The following ESYT3 variants were observed in gnomAD, a reference collection of about 807,000 sequenced individuals.
The protein encoded by ESYT3 is extended synaptotagmin-3.
A neutral mutation model predicts 111.5 loss-of-function variants in ESYT3; 101 were observed. The ratio of observed to expected loss-of-function variants is 0.91; its 90% CI spans 0.77 to 1.07. ESYT3 has a LOEUF of 1.07. Ranked by LOEUF, ESYT3 falls within the 50% of genes least tolerant of loss-of-function variation. The pLI is 0.00. For missense variants in ESYT3, 1,097 were observed against 1,109.4 expected, an observed-to-expected ratio of 0.99 and a Z score of 0.16; for synonymous variants, 416 against 446.8, an observed-to-expected ratio of 0.93 and a Z score of 0.87.
At chr3:138,446,926 T>G (rs2031583202) in intron 1 of ESYT3, among the ~76,000 whole-genome samples, 1 of 152,082 alleles carries the variant, frequency 6.6e-6, no homozygotes, top group African/African-American at 2.4e-5. Context: ...TCCTAGCTAC[T>G]CGGGAGGCTG....
Position 138,464,332 on chromosome 3 carries a change from G to A in ESYT3, c.916-13G>A. The A allele has an allele frequency of 6.2e-7, 1 of 1,613,668 alleles. No individual in the cohort carries two copies. The highest frequency in any genetic ancestry group is 2.2e-5 in the East Asian group (1 of 44,872). On this transcript the variant is annotated splice_polypyrimidine_tract_variant and intron_variant, in intron 8 of 22. Transcript: ENST00000389567. ...GGAAGCAGCTGTGAGCCCTGGGCTTGGACATTTTCCAGGGGGTGATCAGAG... is the reference window on the plus strand; with the variant it reads ...GGAAGCAGCTGTGAGCCCTGGGCTTAGACATTTTCCAGGGGGTGATCAGAG...
In ESYT3 at chr3:138,469,137, G is replaced by A. The variant is rs1270475850; in HGVS notation, c.1434+256G>A. On this transcript the variant is annotated intron_variant, in intron 14 of 22. Transcript: ENST00000389567. The stretch of plus-strand genomic sequence containing the variant: ...CATTTTCTGGGTCACACAGCTAAGA[G>A]GAGGAGCCAGATTCCACACTGTTTT... 8.4e-6 allele frequency: 5 copies of A among 598,152 alleles called. No homozygotes were observed. The African/African-American group carries it at 9.3e-5, about 11-fold the overall frequency. The allele number at this position is 598,152 out of a possible 1,614,324, so 37.1% of individuals were successfully genotyped here. A position where few individuals can be genotyped will look rare whatever the true frequency, so the allele number is the denominator to read the frequency against.
rs1161594322 is a variant in ESYT3 at position 138,440,169 on chromosome 3, C to T, written c.327+5044C>T. Among the ~76,000 whole-genome samples, 5 of 152,220 alleles carry T rather than the reference C, an allele frequency of 3.3e-5. No individual in the cohort carries two copies. Among genetic ancestry groups the T allele is most frequent in the Admixed American group, 6.5e-5 (1 of 15,280 alleles). ...ACTCGCTGCCTTTCATGCCTGTCCC[C>T]ATCTAACTGGGTGCGCACTGGGGCT... On this transcript the variant is annotated intron_variant, in intron 1 of 22. Coordinates refer to ENST00000389567, the MANE Select transcript of ESYT3 (RefSeq NM_031913.5). This position sits in a 1 kb window ranked among gnomAD's most constrained non-coding sequence, Gnocchi z 4.2.
Position 138,470,921 on chromosome 3 carries a change from C to T in ESYT3, c.1635C>T (p.Val545=), listed in dbSNP as rs1041110931. Residue 545 remains valine (V), a synonymous_variant, in exon 17 of 23, where the codon GTC becomes GTT. Transcript: ENST00000389567. Reference sequence around the variant, plus strand: ...AGTGTGCTCTGGGAATGCTGGAGGTCCCCCTGTGCCAGATCCTCCCCTATG... The same window carrying T: ...AGTGTGCTCTGGGAATGCTGGAGGTTCCCCTGTGCCAGATCCTCCCCTATG... ...DQECALGMLE[V]PLCQILPYAD... 2 of 1,614,040 alleles carry T rather than the reference C, an allele frequency of 1.2e-6. No homozygotes were observed. Among genetic ancestry groups the T allele is most frequent in the African/African-American group, 2.7e-5 (2 of 74,898 alleles).
chr3:138,463,895 C>G (rs1363567536), intron 8 of ESYT3, among the ~76,000 whole-genome samples: 1 of 152,132 alleles, frequency 6.6e-6, no homozygotes, highest in Non-Finnish European at 1.5e-5. Context: ...GTGTTGGGGC[C>G]TTTAGGAGTG....
chr3:138,471,346 A>G (rs897822020), intron 17 of ESYT3, among the ~76,000 whole-genome samples: 3 of 152,164 alleles, frequency 2.0e-5, no homozygotes, highest in Middle Eastern at 3.2e-3. Flanking sequence ...GGTACATTCT[A>G]ATTCTCTCAA....
chr3:138,453,114 AAGC>A (rs1362557111), intron 2 of ESYT3, among the ~76,000 whole-genome samples: 4 of 152,174 alleles, frequency 2.6e-5, no homozygotes, highest in African/African-American at 9.7e-5. Flanking sequence ...AATTTGGAAG[AAGC>A]AGGTTGCTGC....
Position 138,465,423 on chromosome 3 carries a change from T to C in ESYT3, c.1169+2T>C. On this transcript the variant is annotated splice_donor_variant, in intron 10 of 22. Transcript: ENST00000389567. LOFTEE classifies it high-confidence loss of function. ...CGACAGGGATGACTTCCTGGGCAGGTGAGGAGGAGGGCGCACAGCTGGGCC... is the reference window on the plus strand; with the variant it reads ...CGACAGGGATGACTTCCTGGGCAGGCGAGGAGGAGGGCGCACAGCTGGGCC... 6.3e-7 allele frequency: 1 copy of C among 1,586,606 alleles called. No homozygotes were observed. The highest frequency in any genetic ancestry group is 8.6e-7 in the Non-Finnish European group (1 of 1,167,022).
At chr3:138,475,293 TA>T (rs35674255) in intron 20 of ESYT3, among the ~76,000 whole-genome samples, 1 of 151,992 alleles carries the variant, frequency 6.6e-6, no homozygotes, top group East Asian at 1.9e-4. Context: ...GCTAAGGGAT[TA>T]AAAAAAATTA....
chr3:138,436,546 T>A (rs1452809597), intron 1 of ESYT3, among the ~76,000 whole-genome samples: 3 of 152,196 alleles, frequency 2.0e-5, no homozygotes, highest in Admixed American at 6.5e-5. Flanking sequence ...GCTTTGCAAA[T>A]AGCTTACATA....
At chr3:138,444,976 C>G (rs1288482328) in intron 1 of ESYT3, among the ~76,000 whole-genome samples, 2 of 152,206 alleles carry the variant, frequency 1.3e-5, no homozygotes, top group African/African-American at 4.8e-5. Context: ...CCTGTCCACT[C>G]ATTCTTCCAC....
At chr3:138,473,077 A>G in intron 18 of ESYT3, 2 of 1,412,088 alleles carry the variant, frequency 1.4e-6, no homozygotes, top group Non-Finnish European at 1.8e-6. Flanking sequence ...TATAAAATAG[A>G]TGCTGGACTC....
In ESYT3 at chr3:138,455,227, A is replaced by C. The variant is rs748278806; in HGVS notation, c.403A>C (p.Ile135Leu). The change falls in exon 3 of 23, where the codon ATC becomes CTC. Residue 135 changes from isoleucine to leucine, a missense_variant. Physicochemically the swap from Ile to Leu is conservative, Grantham distance 5 (BLOSUM62 2). Transcript: ENST00000389567. ...TCAGACCTGGCCCTACCTAAGCATG[A>C]TCATGGAAAGCAAGTTCCGGGAGAA... ...ISQTWPYLSMIMESKFREKLE... is the reference protein window; with the variant it reads ...ISQTWPYLSMLMESKFREKLE... 2 of 1,614,176 alleles carry C rather than the reference A, an allele frequency of 1.2e-6. No individual in the cohort carries two copies. The highest frequency in any genetic ancestry group is 1.7e-6 in the Non-Finnish European group (2 of 1,180,028).
rs948733908 is a variant in ESYT3, at chr3:138,479,114, A to G, written c.*2260A>G. The G allele has an allele frequency of 3.9e-5, 6 of 152,252 alleles. No individual in the cohort carries two copies. The highest frequency in any genetic ancestry group is 8.8e-5 in the Non-Finnish European group (6 of 68,038). The allele number at this position is 152,252 out of a possible 1,614,324, so 9.4% of individuals were successfully genotyped here. ...AGACTTTAAAAAAAATACAAAGTAC[A>G]CAGGAATATCAAACTGAAAAATAGC... On this transcript the variant is annotated 3_prime_UTR_variant, in exon 23 of 23. Coordinates refer to ENST00000389567, the MANE Select transcript of ESYT3 (RefSeq NM_031913.5).
chr3:138,464,853 C>A (rs1453654461), intron 9 of ESYT3, among the ~76,000 whole-genome samples: 1 of 152,212 alleles, frequency 6.6e-6, no homozygotes, highest in Non-Finnish European at 1.5e-5. Flanking sequence ...CAACCACAAT[C>A]CCTACTATTT....
intron 2 of ESYT3, 129 bp downstream of exon 2, chr3:138,452,218 C>A: frequency 1.3e-6 from 1 of 784,186 alleles, no homozygotes; most frequent in Non-Finnish European, 2.0e-6. Context: ...GGGATGCTCC[C>A]TTTCCCTCTT....
intron 15 of ESYT3, 58 bp from the exon 16 acceptor site, chr3:138,470,002 C>G: frequency 6.8e-7 from 1 of 1,460,376 alleles, no homozygotes; most frequent in East Asian, 2.3e-5. Flanking sequence ...CAGAGGGTGC[C>G]GGTATCCAGC....
Position 138,434,998 on chromosome 3 carries a change from T to A in ESYT3, c.200T>A (p.Leu67Gln), listed in dbSNP as rs1019250473. 2.6e-6 allele frequency: 4 copies of A among 1,566,006 alleles called. No homozygotes were observed. In the East Asian group the frequency reaches 9.3e-5, roughly 36 times the overall value. ...ATAACCTGGTTGCTGCTCGGCGCCC[T>A]GCTGTGGATGTGGTGGCGCAGGAAC... is the stretch of plus-strand genomic sequence containing the variant. The part of the protein sequence containing the change: ...LSITWLLLGA[L>Q]LWMWWRRNRR... Residue 67 changes from leucine to glutamine, a missense_variant, in exon 1 of 23, where the codon CTG becomes CAG. By Grantham distance (113) the Leu-to-Gln change is moderately radical (BLOSUM62 -2). Coordinates refer to ENST00000389567, the MANE Select transcript of ESYT3 (RefSeq NM_031913.5).
Position 138,459,329 on chromosome 3 carries a change from C to T in ESYT3, c.648+76C>T, listed in dbSNP as rs1247726662. Reference sequence around the variant, plus strand: ...TCAGGGAAGGGGAAGCCAGGTCATGCCAGAGTAGGCCGCAGAAGGTGGTGG... The same window carrying T: ...TCAGGGAAGGGGAAGCCAGGTCATGTCAGAGTAGGCCGCAGAAGGTGGTGG... On this transcript the variant is annotated intron_variant, in intron 5 of 22. Coordinates refer to ENST00000389567, the MANE Select transcript of ESYT3 (RefSeq NM_031913.5). The T allele has an allele frequency of 3.2e-6, 4 of 1,230,822 alleles. No individual in the cohort carries two copies. In the East Asian group the frequency reaches 1.0e-4, roughly 31 times the overall value. 76.2% of individuals were successfully genotyped at this position (1,230,822 alleles called of 1,614,324 possible). A position where few individuals can be genotyped will look rare whatever the true frequency, so the allele number is the denominator to read the frequency against.
Sources: gnomAD v4.1 joint callset for allele counts (sites outside exome capture counted in the v4.1 genomes callset) on GRCh38, gnomAD v4.1.1 for gene constraint, Gnocchi (gnomAD v3.1) non-coding constraint, MANE v1.5 for transcripts, NCBI Gene and HGNC (gene_info 2026-07-23, HGNC 2026-07-21) for gene names.